Variants in DNAH3 observed in about 807,000 individuals in gnomAD.
The protein encoded by DNAH3 is axonemal beta dynein heavy chain 3.
A neutral mutation model predicts 432.5 loss-of-function variants in DNAH3; 332 were observed. That is an observed-to-expected ratio of 0.77 (90% CI 0.70 to 0.84). The LOEUF (loss-of-function observed/expected upper bound fraction) is 0.84, where lower values mean the gene tolerates loss of function less well. Among genes scored for constraint, DNAH3 ranks in the 40% least tolerant of loss-of-function variants. DNAH3 has a pLI of 0.00. For missense variants in DNAH3, 4,861 were observed against 5,114.0 expected, an observed-to-expected ratio of 0.95 and a Z score of 1.51; for synonymous variants, 1,956 against 1,900.2, an observed-to-expected ratio of 1.03 and a Z score of -0.76.
intron 15 of DNAH3, 33 bp downstream of exon 15, chr16:21,106,457 C>A: frequency 6.6e-7 from 1 of 1,510,182 alleles, no homozygotes; most frequent in Non-Finnish European, 9.0e-7. Context: ...TATAGGTATG[C>A]ATTTCGATGG....
intron 27 of DNAH3, among the ~76,000 whole-genome samples, chr16:21,057,741 G>A (rs1403241252): frequency 6.6e-6 from 1 of 152,166 alleles, no homozygotes; most frequent in Non-Finnish European, 1.5e-5. Context: ...AAAGGAGAAG[G>A]AGAGGCAGAT....
At chr16:21,066,825 T>C (rs2090569040) in intron 24 of DNAH3, among the ~76,000 whole-genome samples, 1 of 152,218 alleles carries the variant, frequency 6.6e-6, no homozygotes, top group South Asian at 2.1e-4. Flanking sequence ...GGCTAGGTGC[T>C]AAATGTTTTT....
At chr16:20,981,056 TAAC>T (rs1419623386) in intron 49 of DNAH3, among the ~76,000 whole-genome samples, 2 of 152,160 alleles carry the variant, frequency 1.3e-5, no homozygotes, top group African/African-American at 4.8e-5. Flanking sequence ...CTGCATTAAA[TAAC>T]AAGAGTGGGC....
chr16:20,933,841 A>G (rs2083496059), intron 61 of DNAH3, among the ~76,000 whole-genome samples: 1 of 152,244 alleles, frequency 6.6e-6, no homozygotes, highest in South Asian at 2.1e-4. Context: ...GAGGGGTTAG[A>G]TTCAGATACA....
chr16:21,053,614 C>T (rs914567358), intron 28 of DNAH3, among the ~76,000 whole-genome samples: 1 of 152,110 alleles, frequency 6.6e-6, no homozygotes, highest in East Asian at 1.9e-4. Context: ...TTTCCCTTCT[C>T]CCTCCCTGAT....
chr16:21,064,264 C>T (rs978290656), intron 24 of DNAH3, among the ~76,000 whole-genome samples: 6 of 152,200 alleles, frequency 3.9e-5, no homozygotes, highest in Non-Finnish European at 8.8e-5. Flanking sequence ...GGATAAAAGA[C>T]ATGTGGCCCA....
chr16:20,981,992 ATATATAATATAT>A (rs1331048822), intron 49 of DNAH3, among the ~76,000 whole-genome samples: 1 of 103,154 alleles, frequency 9.7e-6, no homozygotes, highest in African/African-American at 4.2e-5. Context: ...TATAAAGCAC[ATATATAATATAT>A]AATATATATA....
intron 13 of DNAH3, 94 bp from the exon 14 acceptor site, chr16:21,111,898 G>T: frequency 6.5e-7 from 1 of 1,544,594 alleles, no homozygotes. Context: ...GTCCAATGCT[G>T]AGCATGGTCT....
At chr16:21,019,957 G>T in intron 40 of DNAH3, 88 bp from the exon 41 acceptor site, 2 of 1,493,178 alleles carry the variant, frequency 1.3e-6, no homozygotes, top group Non-Finnish European at 1.8e-6. Context: ...CCTTTGAAGG[G>T]TCTGGGCCAG....
intron 5 of DNAH3, among the ~76,000 whole-genome samples, chr16:21,139,433 A>G (rs1567860373): frequency 1.4e-5 from 2 of 143,398 alleles, no homozygotes; most frequent in Non-Finnish European, 3.0e-5. Context: ...AGAGAAGGGG[A>G]CCAAGGGATA....
chr16:20,995,306 T>G (rs562302416), intron 44 of DNAH3, among the ~76,000 whole-genome samples: 1 of 152,180 alleles, frequency 6.6e-6, no homozygotes, highest in South Asian at 2.1e-4. Flanking sequence ...CAATCTTGGC[T>G]CACTGCAACC....
At chr16:20,972,739 ATTTT>A (rs34245316) in intron 51 of DNAH3, among the ~76,000 whole-genome samples, 15 of 95,962 alleles carry the variant, frequency 1.6e-4, no homozygotes, top group East Asian at 3.3e-4. Flanking sequence ...ATGCCCCGTG[ATTTT>A]TTTTTTTTTT....
intron 57 of DNAH3, 136 bp downstream of exon 57, chr16:20,948,347 G>A: frequency 1.1e-6 from 1 of 869,854 alleles, no homozygotes; most frequent in Non-Finnish European, 1.7e-6. Flanking sequence ...TGGGAATATT[G>A]GGAATAGCTT....
intron 56 of DNAH3, among the ~76,000 whole-genome samples, chr16:20,951,116 T>A (rs1420294012): frequency 1.3e-5 from 2 of 152,172 alleles, no homozygotes; most frequent in African/African-American, 4.8e-5. Context: ...ACAGAGCCTA[T>A]GATCAAGTTT....
Position 20,963,280 on chromosome 16 carries a change from T to C in DNAH3, c.10600+4A>G. 1 of 1,612,202 alleles carries C rather than the reference T, an allele frequency of 6.2e-7. No homozygotes were observed. Among genetic ancestry groups the C allele is most frequent in the Non-Finnish European group, 8.5e-7 (1 of 1,178,964 alleles). ...ACGTCTCTCCCACAACACTCTGTTCTTACCTGCCATTGGGTCTGCACTTGG... is the reference window on the plus strand; with the variant it reads ...ACGTCTCTCCCACAACACTCTGTTCCTACCTGCCATTGGGTCTGCACTTGG... On this transcript the variant is annotated splice_donor_region_variant and intron_variant, in intron 53 of 61. Transcript: ENST00000261383.
chr16:21,066,851 T>C (rs950925477), intron 24 of DNAH3, among the ~76,000 whole-genome samples: 2 of 152,230 alleles, frequency 1.3e-5, no homozygotes, highest in African/African-American at 2.4e-5. Context: ...TGTTAGTTCA[T>C]TAATGTGTAC....
At chr16:21,065,918 C>T (rs372914940) in intron 24 of DNAH3, among the ~76,000 whole-genome samples, 1 of 152,058 alleles carries the variant, frequency 6.6e-6, no homozygotes, top group Non-Finnish European at 1.5e-5. Flanking sequence ...CCTCCACCTC[C>T]CAGGTTCAAG....
intron 57 of DNAH3, among the ~76,000 whole-genome samples, chr16:20,947,308 G>A (rs911713176): frequency 1.3e-5 from 2 of 152,128 alleles, no homozygotes; most frequent in Non-Finnish European, 2.9e-5. Flanking sequence ...CACTCCTTCC[G>A]CCATACTTCA....
At chr16:21,156,507 T>C (rs976284135) in intron 1 of DNAH3, among the ~76,000 whole-genome samples, 2 of 152,272 alleles carry the variant, frequency 1.3e-5, no homozygotes, top group Admixed American at 6.5e-5. Flanking sequence ...GGTGGGATTA[T>C]AGGTGTGAGC....
Sources: gnomAD v4.1 joint callset for allele counts (sites outside exome capture counted in the v4.1 genomes callset) on GRCh38, gnomAD v4.1.1 for gene constraint, MANE v1.5 for transcripts, NCBI Gene and HGNC (gene_info 2026-07-23, HGNC 2026-07-21) for gene names.